The following PRTFDC1 variants were observed in gnomAD, a reference collection of about 807,000 sequenced individuals.
The protein encoded by PRTFDC1 is phosphoribosyl transferase domain containing 1.
PRTFDC1 carries 38 observed loss-of-function variants against 34.6 expected under a neutral mutation model. The ratio of observed to expected loss-of-function variants is 1.10; its 90% CI spans 0.85 to 1.44. The LOEUF is 1.44. Among genes scored for constraint, PRTFDC1 ranks in the 40% most tolerant of loss-of-function variants. PRTFDC1 has a pLI of 0.00. For missense variants in PRTFDC1, 270 were observed against 283.0 expected (o/e 0.95, Z 0.33); for synonymous variants, 93 against 98.1 (o/e 0.95, Z 0.31).
intron 3 of PRTFDC1, among the ~76,000 whole-genome samples, chr10:24,889,024 C>A (rs1848217396): frequency 6.6e-6 from 1 of 152,134 alleles, no homozygotes; most frequent in African/African-American, 2.4e-5. Flanking sequence ...TTGTTACCCC[C>A]CTCCCCGACC....
chr10:24,931,277 A>G (rs1446188703), intron 3 of PRTFDC1, among the ~76,000 whole-genome samples: 1 of 152,180 alleles, frequency 6.6e-6, no homozygotes, highest in Non-Finnish European at 1.5e-5. Context: ...TTTGTATTAG[A>G]AAATAAGAAA....
chr10:24,872,025 G>A lies in PRTFDC1; in HGVS notation c.378C>T (p.Gly126=), dbSNP rs201109414. The stretch of plus-strand genomic sequence containing the variant: ...TTCCAGCCAGCGTTGAAAGATCATC[G>A]CCTCCGATTATCTGCATCTCACCCA... ...QSMGEMQIIG[G]DDLSTLAGKN... is the part of the protein sequence containing the mutation. The change falls in exon 4 of 9, where the codon GGC becomes GGT. Residue 126 remains glycine (G), a synonymous_variant. Transcript: ENST00000320152. 2.7e-5 allele frequency: 44 copies of A among 1,612,170 alleles called. No homozygotes were observed. The East Asian group carries it at 7.6e-4, about 28-fold the overall frequency.
intron 3 of PRTFDC1, among the ~76,000 whole-genome samples, chr10:24,880,807 GTCTTTCTCTTTCTT>G (rs1238701660): frequency 2.1e-4 from 29 of 140,082 alleles, no homozygotes; most frequent in Admixed American, 4.3e-4. Context: ...CCACTTTACT[GTCTTTCTCTTTCTT>G]TCTTTCTTTC....
chr10:24,868,739 C>G (rs1298134122), intron 4 of PRTFDC1, among the ~76,000 whole-genome samples: 1 of 152,138 alleles, frequency 6.6e-6, no homozygotes, highest in African/African-American at 2.4e-5. Context: ...TTCAGACTTT[C>G]TTCTACACCC....
At chr10:24,918,349 T>TTA (rs61454462) in intron 3 of PRTFDC1, among the ~76,000 whole-genome samples, 1 of 152,180 alleles carries the variant, frequency 6.6e-6, no homozygotes, top group Admixed American at 6.6e-5. Context: ...TCATATCATA[T>TTA]TATATATATC....
intron 3 of PRTFDC1, among the ~76,000 whole-genome samples, chr10:24,906,481 C>G (rs1419379729): frequency 6.6e-6 from 1 of 152,168 alleles, no homozygotes; most frequent in East Asian, 1.9e-4. Context: ...CCCACACACA[C>G]ACAGTCCCAG....
intron 1 of PRTFDC1, among the ~76,000 whole-genome samples, chr10:24,951,355 A>C (rs766428960): frequency 3.9e-5 from 6 of 152,166 alleles, no homozygotes; most frequent in Admixed American, 6.5e-5. Flanking sequence ...CATGAAGACA[A>C]GGCCTTTGTC....
intron 3 of PRTFDC1, among the ~76,000 whole-genome samples, chr10:24,890,964 G>GT (rs1565267873): frequency 6.6e-6 from 1 of 152,208 alleles, no homozygotes; most frequent in Non-Finnish European, 1.5e-5. Flanking sequence ...CAGATGCTCT[G>GT]TGGTAACTGC....
At chr10:24,917,838 C>T (rs1848719293) in intron 3 of PRTFDC1, among the ~76,000 whole-genome samples, 1 of 152,108 alleles carries the variant, frequency 6.6e-6, no homozygotes, top group African/African-American at 2.4e-5. Flanking sequence ...ACCTCAGTGC[C>T]TCATTGGTGG....
chr10:24,865,038 C>T (rs570221738), intron 4 of PRTFDC1, among the ~76,000 whole-genome samples: 3 of 152,254 alleles, frequency 2.0e-5, no homozygotes, highest in South Asian at 2.1e-4. Flanking sequence ...ATTGCTTAAA[C>T]CGGAGAGGCA....
chr10:24,887,216 C>T (rs530524351), intron 3 of PRTFDC1, among the ~76,000 whole-genome samples: 37 of 151,350 alleles, frequency 2.4e-4, no homozygotes, highest in Admixed American at 6.6e-4. Context: ...ATGATCCACC[C>T]GCCTCGGCCT....
intron 8 of PRTFDC1, among the ~76,000 whole-genome samples, chr10:24,850,721 T>C (rs1043108627): frequency 2.6e-5 from 4 of 152,068 alleles, no homozygotes; most frequent in Non-Finnish European, 4.4e-5. Context: ...ATGAAGCAAC[T>C]AGAAGGCAGG....
At position 24,908,714 on chromosome 10, in the gene PRTFDC1, A is replaced by T. The variant is rs1848578737; in HGVS notation, c.339+28470T>A. The T allele has an allele frequency of 2.6e-6, 4 of 1,552,990 alleles. No individual in the cohort carries two copies. In the African/African-American group the frequency reaches 4.1e-5, roughly 16 times the overall value. ...TGGGAGAGACACACATGGAGCAGTG[A>T]GGGAGGAAGGAGACACCTACCTAGC... On this transcript the variant is annotated intron_variant, in intron 3 of 8. Coordinates refer to ENST00000320152, the MANE Select transcript of PRTFDC1 (RefSeq NM_020200.7).
intron 3 of PRTFDC1, among the ~76,000 whole-genome samples, chr10:24,898,976 C>T (rs1430743286): frequency 3.9e-5 from 6 of 152,068 alleles, no homozygotes; most frequent in South Asian, 2.1e-4. Context: ...ACATGCAACC[C>T]GGAAGCCCTC....
At chr10:24,908,329 G>A in intron 3 of PRTFDC1, 1 of 812,636 alleles carries the variant, frequency 1.2e-6, no homozygotes, top group Non-Finnish European at 1.8e-6. Context: ...TTTTTATCCA[G>A]CATGTTTCTT....
chr10:24,900,245 A>C (rs751604702), intron 3 of PRTFDC1, among the ~76,000 whole-genome samples: 27 of 152,208 alleles, frequency 1.8e-4, no homozygotes, highest in Non-Finnish European at 3.5e-4. Context: ...ATTCTTGAGA[A>C]AACCTAAGCC....
chr10:24,897,821 A>T (rs914660011), intron 3 of PRTFDC1, among the ~76,000 whole-genome samples: 4 of 152,244 alleles, frequency 2.6e-5, no homozygotes, highest in African/African-American at 9.6e-5. Flanking sequence ...TTGGCAGGGA[A>T]ATTTGATCAT....
At chr10:24,894,274 T>G (rs901919749) in intron 3 of PRTFDC1, among the ~76,000 whole-genome samples, 1 of 144,434 alleles carries the variant, frequency 6.9e-6, no homozygotes, top group East Asian at 2.0e-4. Context: ...GAGGTTGCAG[T>G]GAGCCAAGAT....
At chr10:24,904,586 C>G (rs768957291) in intron 3 of PRTFDC1, among the ~76,000 whole-genome samples, 4 of 152,142 alleles carry the variant, frequency 2.6e-5, no homozygotes, top group Non-Finnish European at 5.9e-5. Flanking sequence ...CCTTCAATGC[C>G]ACCTCTTGGA....
Sources: allele counts gnomAD v4.1 joint callset (sites outside exome capture counted in the v4.1 genomes callset), GRCh38; gene constraint gnomAD v4.1.1; transcripts MANE v1.5; gene names NCBI Gene and HGNC (gene_info 2026-07-23, HGNC 2026-07-21).